Variants in RND3 observed in about 807,000 individuals in gnomAD.
The protein encoded by RND3 is Rho family GTPase 3.
A neutral mutation model predicts 26.5 loss-of-function variants in RND3; 8 were observed. The ratio of observed to expected loss-of-function variants is 0.30; its 90% CI spans 0.18 to 0.54. The LOEUF is 0.54. RND3 is among the 20% of genes least tolerant of loss of function. The probability of loss-of-function intolerance (pLI) is 0.94; values close to 1 mark genes in which losing one functional copy is unlikely to be tolerated. For missense variants in RND3, 207 were observed against 302.8 expected, an observed-to-expected ratio of 0.68 and a Z score of 2.35; for synonymous variants, 113 against 113.0, an observed-to-expected ratio of 1.00 and a Z score of 0.00.
chr2:150,470,295 T>C, intron 5 of RND3, 57 bp from the exon 6 acceptor site: 1 of 1,551,188 alleles, frequency 6.4e-7, no homozygotes, highest in Non-Finnish European at 8.8e-7. Flanking sequence ...GAAAGTTAGC[T>C]AGCATCTTCT....
Position 150,474,896 on chromosome 2 carries a change from G to A in RND3, c.327C>T (p.Thr109=), listed in dbSNP as rs150589968. 218 of 1,609,134 alleles carry A rather than the reference G, an allele frequency of 1.4e-4. No individual in the cohort carries two copies. The African/African-American group carries it at 2.7e-3, about 20-fold the overall frequency. The change falls in exon 4 of 6, where the codon ACC becomes ACT. Residue 109 remains threonine (T), a synonymous_variant. Coordinates refer to ENST00000263895, the MANE Select transcript of RND3 (RefSeq NM_005168.5). The part of the protein sequence containing the change: ...LICFDISRPE[T]LDSVLKKWKG... ...TTGCCTTTTTGAGGACACTGTCCAG[G>A]GTCTCTGGTCTACTGATGTCAAAGC...
chr2:150,472,612 C>A (rs138273688), intron 4 of RND3, among the ~76,000 whole-genome samples: 2 of 152,080 alleles, frequency 1.3e-5, no homozygotes, highest in East Asian at 3.9e-4. Flanking sequence ...GAGTTCAGGG[C>A]GGTCACAGGA....
chr2:150,487,470 A>AT lies in RND3; in HGVS notation c.-38-16_-38-15insA, dbSNP rs1236158055. ...AGGAATTTTCTCTTAAGAAGAAAAA[A>AT]AAAAATATATATATATATATATATT... On this transcript the variant is annotated splice_polypyrimidine_tract_variant and intron_variant, in intron 1 of 5. Transcript: ENST00000263895. 332 of 402,382 alleles carry AT rather than the reference A, an allele frequency of 8.3e-4. No homozygotes were observed. The highest frequency in any genetic ancestry group is 3.4e-3 in the Admixed American group (43 of 12,734). The allele number at this position is 402,382 out of a possible 1,614,324, so 24.9% of individuals were successfully genotyped here.
Position 150,486,577 on chromosome 2 carries a change from G to A in RND3, c.238+117C>T. 1.3e-6 allele frequency: 1 copy of A among 798,764 alleles called. No homozygotes were observed. Among genetic ancestry groups the A allele is most frequent in the Middle Eastern group, 2.6e-4 (1 of 3,894 alleles). 49.5% of individuals were successfully genotyped at this position (798,764 alleles called of 1,614,324 possible). On this transcript the variant is annotated intron_variant, in intron 3 of 5. Coordinates refer to ENST00000263895, the MANE Select transcript of RND3 (RefSeq NM_005168.5). The surrounding 1 kb of genome is among the most constrained non-coding windows in gnomAD (Gnocchi z 4.5). ...ACAATTTTCGCCCAACAGGGACCGTGGGAATCCCTTGGGAGGGGCGCAGAC... is the reference window on the plus strand; with the variant it reads ...ACAATTTTCGCCCAACAGGGACCGTAGGAATCCCTTGGGAGGGGCGCAGAC...
chr2:150,487,474 A>AAAAAATATATATAT lies in RND3; in HGVS notation c.-38-20_-38-19insATATATATATTTTT. ...ATTTTCTCTTAAGAAGAAAAAAAAA[A>AAAAAATATATATAT]ATATATATATATATATATATTTCTC... is the stretch of plus-strand genomic sequence containing the variant. On this transcript the variant is annotated intron_variant, in intron 1 of 5. Coordinates refer to ENST00000263895, the MANE Select transcript of RND3 (RefSeq NM_005168.5). 275 of 200,762 alleles carry AAAAAATATATATAT rather than the reference A, an allele frequency of 1.4e-3. 1 individual carries two copies. Among genetic ancestry groups the AAAAAATATATATAT allele is most frequent in the Middle Eastern group, 3.3e-3 (2 of 612 alleles). 12.4% of individuals were successfully genotyped at this position (200,762 alleles called of 1,614,324 possible).
chr2:150,478,885 A>G (rs1031616106), intron 3 of RND3, among the ~76,000 whole-genome samples: 1 of 152,206 alleles, frequency 6.6e-6, no homozygotes, highest in Admixed American at 6.5e-5. Flanking sequence ...TCTCAGATGC[A>G]GCATTTCTCT....
chr2:150,480,420 G>A (rs1686251227), intron 3 of RND3, among the ~76,000 whole-genome samples: 10 of 152,150 alleles, frequency 6.6e-5, no homozygotes, highest in Admixed American at 6.6e-4. Context: ...GTCATTTAAA[G>A]GACATCAGAA....
intron 3 of RND3, among the ~76,000 whole-genome samples, chr2:150,480,564 G>A (rs1208366268): frequency 1.3e-5 from 2 of 151,972 alleles, no homozygotes; most frequent in Non-Finnish European, 2.9e-5. Context: ...TGGTTATTTC[G>A]GGTGTTATCA....
chr2:150,483,962 T>C (rs1243943655), intron 3 of RND3, among the ~76,000 whole-genome samples: 2 of 152,386 alleles, frequency 1.3e-5, no homozygotes, highest in South Asian at 2.1e-4. Flanking sequence ...CAAACCTTTA[T>C]ATTTTAGTTA....
intron 3 of RND3, 64 bp from the exon 4 acceptor site, chr2:150,475,048 T>C: frequency 1.0e-6 from 1 of 971,866 alleles, no homozygotes; most frequent in Middle Eastern, 2.1e-4. Context: ...ATGCATTAAC[T>C]CTACCCTTTC....
intron 3 of RND3, among the ~76,000 whole-genome samples, chr2:150,480,377 C>T (rs1686250421): frequency 6.6e-6 from 1 of 152,098 alleles, no homozygotes; most frequent in South Asian, 2.1e-4. Flanking sequence ...AAGGGAGACT[C>T]TGAGAAAGTG....
At chr2:150,479,119 G>T (rs1376928844) in intron 3 of RND3, among the ~76,000 whole-genome samples, 2 of 152,168 alleles carry the variant, frequency 1.3e-5, no homozygotes, top group East Asian at 3.8e-4. Context: ...AGTTGCTCAA[G>T]TTTGGCAAAC....
intron 3 of RND3, among the ~76,000 whole-genome samples, chr2:150,477,814 G>A (rs139482068): frequency 3.3e-5 from 5 of 152,200 alleles, no homozygotes; most frequent in African/African-American, 9.6e-5. Context: ...ATAAACCACC[G>A]TGCTTGTGGA....
Position 150,468,446 on chromosome 2 carries a change from T to C in RND3, c.*1541A>G, listed in dbSNP as rs1279891894. 1 of 152,658 alleles carries C rather than the reference T, an allele frequency of 6.6e-6. No homozygotes were observed. Among genetic ancestry groups the C allele is most frequent in the African/African-American group, 2.4e-5 (1 of 41,460 alleles). 9.5% of individuals were successfully genotyped at this position (152,658 alleles called of 1,614,324 possible). A position where few individuals can be genotyped will look rare whatever the true frequency, so the allele number is the denominator to read the frequency against. On this transcript the variant is annotated 3_prime_UTR_variant, in exon 6 of 6. Transcript: ENST00000263895. ...CATCAATCAAAGCATATTATGTTGG[T>C]AAAATGTCTGTATTTTATGGGAAAT...
chr2:150,485,853 A>G (rs1686350044), intron 3 of RND3, among the ~76,000 whole-genome samples: 1 of 151,948 alleles, frequency 6.6e-6, no homozygotes, highest in Non-Finnish European at 1.5e-5. Context: ...GAAAGCAATA[A>G]CCCGGCCTTG....
At chr2:150,485,727 C>T (rs1368818492) in intron 3 of RND3, among the ~76,000 whole-genome samples, 1 of 152,162 alleles carries the variant, frequency 6.6e-6, no homozygotes, top group African/African-American at 2.4e-5. Context: ...CTGCCACTCC[C>T]CGGCCTTTGA....
intron 3 of RND3, among the ~76,000 whole-genome samples, chr2:150,482,235 G>A (rs1686285976): frequency 6.6e-6 from 1 of 152,204 alleles, no homozygotes; most frequent in South Asian, 2.1e-4. Flanking sequence ...TGGAATGAAT[G>A]ATTATTACTC....
intron 3 of RND3, among the ~76,000 whole-genome samples, chr2:150,483,199 C>A (rs560015803): frequency 1.3e-5 from 2 of 152,298 alleles, no homozygotes; most frequent in African/African-American, 2.4e-5. Flanking sequence ...TATGCATGAT[C>A]ATGACTGCTG....
At chr2:150,481,812 G>C (rs1420638304) in intron 3 of RND3, among the ~76,000 whole-genome samples, 1 of 151,962 alleles carries the variant, frequency 6.6e-6, no homozygotes, top group African/African-American at 2.4e-5. Flanking sequence ...CTCCAATACT[G>C]CTGAACCATT....
Sources: allele counts gnomAD v4.1 joint callset (sites outside exome capture counted in the v4.1 genomes callset), GRCh38; gene constraint gnomAD v4.1.1; non-coding constraint Gnocchi (gnomAD v3.1); transcripts MANE v1.5; gene names NCBI Gene and HGNC (gene_info 2026-07-23, HGNC 2026-07-21).